The following RAB11FIP3 variants were observed in gnomAD, a reference collection of about 807,000 sequenced individuals.
The protein encoded by RAB11FIP3 is rab11 family-interacting protein 3.
In RAB11FIP3, 17 loss-of-function variants were observed where a neutral mutation model predicts 77.8. That is an observed-to-expected ratio of 0.22 (90% CI 0.15 to 0.33). The LOEUF is 0.33. Ranked by LOEUF, RAB11FIP3 falls within the 10% of genes least tolerant of loss-of-function variation. RAB11FIP3 has a pLI of 1.00. For synonymous variants in RAB11FIP3, 437 were observed against 448.2 expected, an observed-to-expected ratio of 0.98 and a Z score of 0.31; for missense variants, 1,005 against 1,011.2, an observed-to-expected ratio of 0.99 and a Z score of 0.08.
At chr16:517,100 C>G (rs1205774855) in intron 9 of RAB11FIP3, among the ~76,000 whole-genome samples, 1 of 152,184 alleles carries the variant, frequency 6.6e-6, no homozygotes, top group African/African-American at 2.4e-5. Context: ...AAGGGCCCCG[C>G]ACCTCTGTGG....
intron 1 of RAB11FIP3, among the ~76,000 whole-genome samples, chr16:431,110 G>A (rs534102656): frequency 8.5e-5 from 13 of 152,108 alleles, no homozygotes; most frequent in African/African-American, 2.9e-4. Flanking sequence ...GTGAGCTGGT[G>A]TGTGTGTGTG....
In RAB11FIP3 at chr16:480,286, C is replaced by CAAAAAAAAAAAA. The variant is rs56228402; in HGVS notation, c.904-2230_904-2219dup. 3.2e-4 allele frequency among the ~76,000 whole-genome samples: 26 copies of CAAAAAAAAAAAA among 80,018 alleles called. 2 individuals are homozygous for CAAAAAAAAAAAA. Among genetic ancestry groups the CAAAAAAAAAAAA allele is most frequent in the African/African-American group, 1.2e-3 (25 of 20,756 alleles). The allele number at this position is 80,018 out of a possible 152,430, so 52.5% of individuals were successfully genotyped here. On this transcript the variant is annotated intron_variant, in intron 3 of 13. Coordinates refer to ENST00000262305, the MANE Select transcript of RAB11FIP3 (RefSeq NM_014700.4). ...GGCAGGAAGAGTAAAACTCCTTCTC[C>CAAAAAAAAAAAA]AAAAAAAAAAAAAAAAAAAAGTTGA...
chr16:515,136 G>T (rs768138469), intron 9 of RAB11FIP3, among the ~76,000 whole-genome samples: 1 of 152,218 alleles, frequency 6.6e-6, no homozygotes, highest in Admixed American at 6.5e-5. Flanking sequence ...GTCAGGCCTC[G>T]GGAAGGCAGT....
In RAB11FIP3 at chr16:514,103, T is replaced by C. The variant is rs1395060280; in HGVS notation, c.1640+3303T>C. On this transcript the variant is annotated intron_variant, in intron 9 of 13. Transcript: ENST00000262305. The surrounding 1 kb of genome is among the most constrained non-coding windows in gnomAD (Gnocchi z 4.6). ...GCAAGCAGGGCCCAGTGTCACTGCC[T>C]CTTGTGAGCAAGCCGCCTGCCCACC... Among the ~76,000 whole-genome samples, 1 of 152,164 alleles carries C rather than the reference T, an allele frequency of 6.6e-6. No individual in the cohort carries two copies. The highest frequency in any genetic ancestry group is 1.5e-5 in the Non-Finnish European group (1 of 68,024).
intron 1 of RAB11FIP3, among the ~76,000 whole-genome samples, chr16:437,385 A>G (rs1197203402): frequency 6.6e-6 from 1 of 151,602 alleles, no homozygotes; most frequent in Non-Finnish European, 1.5e-5. Flanking sequence ...TGTGGCCAAC[A>G]TGGTGAAACC....
chr16:504,659 C>T (rs111163706), intron 7 of RAB11FIP3, among the ~76,000 whole-genome samples: 68 of 1,206 alleles, frequency 0.056, no homozygotes, highest in Non-Finnish European at 0.091. Flanking sequence ...TCACCTCCTC[C>T]TGCACCCCCC....
intron 3 of RAB11FIP3, among the ~76,000 whole-genome samples, chr16:481,056 G>A (rs142689702): frequency 0.11 from 16,610 of 144,812 alleles, 4,440 homozygotes; most frequent in East Asian, 0.21. Flanking sequence ...TGATCCTTCT[G>A]CCTCGGCCTC....
intron 4 of RAB11FIP3, among the ~76,000 whole-genome samples, chr16:487,280 G>A (rs766208398): frequency 2.5e-4 from 38 of 152,112 alleles, no homozygotes; most frequent in Admixed American, 5.2e-4. Context: ...ACAGGCACCC[G>A]CCACCACCCC....
Position 505,750 on chromosome 16 carries a change from A to G in RAB11FIP3, c.1499+123A>G. The G allele has an allele frequency of 1.2e-6, 1 of 846,962 alleles. No individual in the cohort carries two copies. The highest frequency in any genetic ancestry group is 1.8e-5 in the South Asian group (1 of 57,048). The allele number at this position is 846,962 out of a possible 1,614,324, so 52.5% of individuals were successfully genotyped here. The stretch of plus-strand genomic sequence containing the variant: ...TGGCCACCCGTCCATCCCCGTTGGA[A>G]GCCGGCTGAGGGGGTGGTGCCAGGT... On this transcript the variant is annotated intron_variant, in intron 8 of 13. Transcript: ENST00000262305. This position sits in a 1 kb window ranked among gnomAD's most constrained non-coding sequence, Gnocchi z 4.0.
chr16:479,074 C>G (rs773408466), intron 3 of RAB11FIP3, among the ~76,000 whole-genome samples: 17 of 152,092 alleles, frequency 1.1e-4, no homozygotes, highest in Non-Finnish European at 2.1e-4. Flanking sequence ...TATACCTGGT[C>G]CTATGCTAGA....
chr16:467,201 T>C lies in RAB11FIP3; in HGVS notation c.809-4094T>C, dbSNP rs2055715511. Among the ~76,000 whole-genome samples, 3 of 152,216 alleles carry C rather than the reference T, an allele frequency of 2.0e-5. No homozygotes were observed. The South Asian group carries it at 6.2e-4, about 32-fold the overall frequency. ...GAACGTCTGGGATGGGAAGGCAGCATCCCAGCAGGGCTGCACCTGGCATGT... is the reference window on the plus strand; with the variant it reads ...GAACGTCTGGGATGGGAAGGCAGCACCCCAGCAGGGCTGCACCTGGCATGT... On this transcript the variant is annotated intron_variant, in intron 2 of 13. Coordinates refer to ENST00000262305, the MANE Select transcript of RAB11FIP3 (RefSeq NM_014700.4).
intron 1 of RAB11FIP3, among the ~76,000 whole-genome samples, chr16:444,529 C>A (rs559654075): frequency 6.6e-6 from 1 of 152,216 alleles, no homozygotes; most frequent in Admixed American, 6.5e-5. Flanking sequence ...AATTTTAGAG[C>A]TCCTAGAATT....
chr16:488,993 A>C lies in RAB11FIP3; in HGVS notation c.1258A>C (p.Thr420Pro), dbSNP rs143244233. The C allele has an allele frequency of 3.1e-4, 495 of 1,613,294 alleles. 2 individuals are homozygous for C. In the African/African-American group the frequency reaches 6.0e-3, roughly 20 times the overall value. ...GGGCTGCAGTGACCCCGCTTTCCTC[A>C]CGCCCAGGTAATGACGCCTTGTTCC... ...QLGCSDPAFL[T>P]PSPTKRLSSK... is the part of the protein sequence containing the mutation. Residue 420 changes from threonine (T) to proline (P), a missense_variant, in exon 5 of 14, where the codon ACG becomes CCG. Thr to Pro is a conservative substitution (Grantham distance 38). Coordinates refer to ENST00000262305, the MANE Select transcript of RAB11FIP3 (RefSeq NM_014700.4).
intron 9 of RAB11FIP3, among the ~76,000 whole-genome samples, chr16:511,572 C>G (rs1321324853): frequency 1.2e-4 from 9 of 74,250 alleles, no homozygotes; most frequent in African/African-American, 6.1e-4. Flanking sequence ...AACCTGCAGG[C>G]CAGGTAGGAG....
At chr16:519,951 T>C in intron 11 of RAB11FIP3, 60 bp downstream of exon 11, 1 of 1,530,192 alleles carries the variant, frequency 6.5e-7, no homozygotes, top group Non-Finnish European at 8.8e-7. Flanking sequence ...CGGGGAGCCT[T>C]TGTTTCCTGA....
In RAB11FIP3 at chr16:507,807, C is replaced by T. The variant is rs112569146; in HGVS notation, c.1499+2180C>T. Among the ~76,000 whole-genome samples, 5,206 of 149,438 alleles carry T rather than the reference C, an allele frequency of 0.035. No homozygotes were observed. Among genetic ancestry groups the T allele is most frequent in the East Asian group, 0.25 (1,128 of 4,428 alleles). On this transcript the variant is annotated intron_variant, in intron 8 of 13. Transcript: ENST00000262305. This position sits in a 1 kb window ranked among gnomAD's most constrained non-coding sequence, Gnocchi z 4.6. Reference sequence around the variant, plus strand: ...GCTCTCTAGCCCTACCATACAGCTGCCATCCTAAGAGTACGTTTCCCGTTT... The same window carrying T: ...GCTCTCTAGCCCTACCATACAGCTGTCATCCTAAGAGTACGTTTCCCGTTT...
chr16:462,795 C>A (rs1179912683), intron 2 of RAB11FIP3, among the ~76,000 whole-genome samples: 2 of 150,122 alleles, frequency 1.3e-5, no homozygotes, highest in African/African-American at 2.5e-5. Flanking sequence ...CAGCACCATC[C>A]CTTCCCCAGC....
chr16:473,897 C>A (rs1272234259), intron 3 of RAB11FIP3, among the ~76,000 whole-genome samples: 1 of 152,136 alleles, frequency 6.6e-6, no homozygotes, highest in African/African-American at 2.4e-5. Flanking sequence ...CTCCGTGTCT[C>A]CACAGCTCTG....
intron 3 of RAB11FIP3, among the ~76,000 whole-genome samples, chr16:476,451 C>T (rs1271655540): frequency 4.6e-5 from 7 of 152,126 alleles, no homozygotes; most frequent in African/African-American, 1.4e-4. Context: ...CCGGACCTCC[C>T]TCCCTTCGTA....
Sources: allele counts gnomAD v4.1 joint callset (sites outside exome capture counted in the v4.1 genomes callset), GRCh38; gene constraint gnomAD v4.1.1; non-coding constraint Gnocchi (gnomAD v3.1); transcripts MANE v1.5; gene names NCBI Gene and HGNC (gene_info 2026-07-23, HGNC 2026-07-21).